Variants in PCGF1 observed in about 807,000 individuals in gnomAD.
The protein encoded by PCGF1 is polycomb group ring finger 1, also known as polycomb group RING finger protein 1.
Under a neutral mutation model 38.8 loss-of-function variants are expected in PCGF1, and 10 were observed. The ratio of observed to expected loss-of-function variants is 0.26; its 90% CI spans 0.16 to 0.44. The LOEUF (loss-of-function observed/expected upper bound fraction) is 0.44. PCGF1 is among the 20% of genes least tolerant of loss of function. The pLI, the probability that PCGF1 is intolerant of heterozygous loss-of-function variation, is 1.00. For missense variants in PCGF1, 230 were observed against 331.5 expected (o/e 0.69, Z 2.38); for synonymous variants, 119 against 121.3 (o/e 0.98, Z 0.12).
intron 4 of PCGF1, 33 bp from the exon 5 acceptor site, chr2:74,506,090 G>A (rs1378103663): frequency 6.2e-7 from 1 of 1,612,284 alleles, no homozygotes. Flanking sequence ...GTGGCTGGTG[G>A]CACACATTCC....
intron 3 of PCGF1, 173 bp downstream of exon 3, chr2:74,506,559 G>C (rs1674640352): frequency 2.7e-6 from 2 of 735,362 alleles, no homozygotes; most frequent in Non-Finnish European, 4.4e-6. Flanking sequence ...GCCTGGGCAA[G>C]ACTCCGTCTC....
intron 8 of PCGF1, 69 bp from the exon 9 acceptor site, chr2:74,505,259 C>T (rs1044978002): frequency 1.9e-6 from 3 of 1,568,438 alleles, no homozygotes; most frequent in Non-Finnish European, 2.6e-6. Flanking sequence ...GCCCCTCAGC[C>T]CACCCTTCCC....
Position 74,506,868 on chromosome 2 carries a change from A to G in PCGF1, c.216T>C (p.Ile72=), listed in dbSNP as rs1284969298. 7 of 1,614,112 alleles carry G rather than the reference A, an allele frequency of 4.3e-6. No individual in the cohort carries two copies. Among genetic ancestry groups the G allele is most frequent in the Non-Finnish European group, 5.1e-6 (6 of 1,180,042 alleles). The change falls in exon 3 of 9, where the codon ATT becomes ATC. Residue 72 remains isoleucine, a synonymous_variant. Coordinates refer to ENST00000233630, the MANE Select transcript of PCGF1 (RefSeq NM_032673.3). The part of the protein sequence containing the change: ...ECLHTFCKSC[I]VKYLQTSKYC... ...ACTTGCTAGTTTGGAGGTACTTCAC[A>G]ATACAACTCTTGCAGACTGCAGGAA...
At position 74,506,240 on chromosome 2, in the gene PCGF1, C is replaced by T; in HGVS notation, c.365G>A (p.Arg122Gln). 4 of 1,614,074 alleles carry T rather than the reference C, an allele frequency of 2.5e-6. No homozygotes were observed. Among genetic ancestry groups the T allele is most frequent in the Non-Finnish European group, 3.4e-6 (4 of 1,180,024 alleles). ...VPGLQDSEEK[R>Q]IREFYQSRGL... ...TCGGGACTGGTAGAATTCCCGAATC[C>T]GTTTCTCTTCACCTAGAAGAAGGTG... Residue 122 changes from arginine to glutamine, a missense_variant, in exon 4 of 9, where the codon CGG (arginine) becomes CAG (glutamine). By Grantham distance (43) the Arg-to-Gln change is conservative. Around this residue, in one of 3 missense-constraint regions of PCGF1, gnomAD observed 144 missense variants for 182.4 expected, o/e 0.79. Transcript: ENST00000233630.
chr2:74,507,688 C>A lies in PCGF1; in HGVS notation c.-20G>T, dbSNP rs1396209142. ...CGCCATCTTAAAGGCTGATCCCAGC[C>A]GGCCACTTCCGGTGCCGCCTGCAGG... On this transcript the variant is annotated 5_prime_UTR_variant, in exon 1 of 9. Coordinates refer to ENST00000233630, the MANE Select transcript of PCGF1 (RefSeq NM_032673.3). 1.0e-5 allele frequency: 16 copies of A among 1,550,188 alleles called. No homozygotes were observed. The Admixed American group carries it at 2.3e-4, about 23-fold the overall frequency.
At position 74,505,091 on chromosome 2, in the gene PCGF1, A is replaced by G; in HGVS notation, c.*52T>C. 6.9e-7 allele frequency: 1 copy of G among 1,444,758 alleles called. No individual in the cohort carries two copies. The allele number at this position is 1,444,758 out of a possible 1,614,324, so 89.5% of individuals were successfully genotyped here. ...AAAAAATAAAGCTGCAGTTCATTTC[A>G]CATAAATATCTGGGGAGGGAAGGGG... On this transcript the variant is annotated 3_prime_UTR_variant, in exon 9 of 9. Transcript: ENST00000233630.
chr2:74,505,825 C>T lies in PCGF1; in HGVS notation c.531-55G>A, dbSNP rs761125987. 1.7e-4 allele frequency: 279 copies of T among 1,610,838 alleles called. 2 individuals carry two copies. The highest frequency in any genetic ancestry group is 2.2e-4 in the Non-Finnish European group (260 of 1,177,688). On this transcript the variant is annotated intron_variant, in intron 5 of 8. Coordinates refer to ENST00000233630, the MANE Select transcript of PCGF1 (RefSeq NM_032673.3). Reference sequence around the variant, plus strand: ...TCCTATCTTTCCTCCTCTTCCCCACCCAGAGCCATGATATACTCTCTTCAA... The same window carrying T: ...TCCTATCTTTCCTCCTCTTCCCCACTCAGAGCCATGATATACTCTCTTCAA...
chr2:74,506,959 G>C (rs1674650344), intron 2 of PCGF1, 75 bp from the exon 3 acceptor site: 1 of 1,602,552 alleles, frequency 6.2e-7, no homozygotes, highest in African/African-American at 1.3e-5. Flanking sequence ...GCCTGGATGC[G>C]TGAGGCAGGC....
chr2:74,506,038 G>A lies in PCGF1; in HGVS notation c.444C>T (p.Leu148=), dbSNP rs185950692. ...GGTCAAAGCTGCTGAAGGGGAGGCC[G>A]AGGTTGCTCAGTGCTGGCTCTGAGA... is the stretch of plus-strand genomic sequence containing the variant. ...PTGEEPALSN[L]GLPFSSFDHS... is the part of the protein sequence containing the mutation. The change falls in exon 5 of 9, where the codon CTC becomes CTT. Residue 148 remains leucine, a synonymous_variant. Coordinates refer to ENST00000233630, the MANE Select transcript of PCGF1 (RefSeq NM_032673.3). 8 of 1,614,218 alleles carry A rather than the reference G, an allele frequency of 5.0e-6. No homozygotes were observed. The highest frequency in any genetic ancestry group is 2.2e-5 in the East Asian group (1 of 44,878).
intron 3 of PCGF1, 151 bp downstream of exon 3, chr2:74,506,581 A>G (rs746299694): frequency 3.4e-6 from 3 of 886,130 alleles, no homozygotes; most frequent in Non-Finnish European, 5.2e-6. Flanking sequence ...AAAAAAGAAA[A>G]AAAAGAATAA....
intron 5 of PCGF1, 23 bp downstream of exon 5, chr2:74,505,929 G>A: frequency 6.2e-7 from 1 of 1,612,182 alleles, no homozygotes; most frequent in Non-Finnish European, 8.5e-7. Context: ...GTCACCTCCT[G>A]CAACCCCTGA....
intron 3 of PCGF1, 138 bp from the exon 4 acceptor site, chr2:74,506,390 A>C (rs530133603): frequency 2.6e-6 from 2 of 771,324 alleles, no homozygotes; most frequent in African/African-American, 3.5e-5. Flanking sequence ...ATCCTGGCTA[A>C]CATGGTGAAA....
chr2:74,506,177 A>T lies in PCGF1; in HGVS notation c.424+4T>A. On this transcript the variant is annotated splice_donor_region_variant and intron_variant, in intron 4 of 8. Transcript: ENST00000233630. ...TCTTTACTGTCCCGCGGCCAAGGAC[A>T]TACCTTCCCCAGTGGGCTGGGTGAC... 6.2e-7 allele frequency: 1 copy of T among 1,614,178 alleles called. No individual in the cohort carries two copies. The highest frequency in any genetic ancestry group is 8.5e-7 in the Non-Finnish European group (1 of 1,180,008).
intron 5 of PCGF1, 60 bp from the exon 6 acceptor site, chr2:74,505,830 G>A: frequency 6.2e-7 from 1 of 1,609,618 alleles, no homozygotes; most frequent in Non-Finnish European, 8.5e-7. Context: ...CCCACCCAGA[G>A]CCATGATATA....
intron 3 of PCGF1, 78 bp from the exon 4 acceptor site, chr2:74,506,330 C>T: frequency 1.5e-6 from 2 of 1,369,072 alleles, no homozygotes; most frequent in Non-Finnish European, 1.0e-6. Flanking sequence ...GTAATCCCAG[C>T]ACTTTGGGAG....
At chr2:74,505,879 C>G in intron 5 of PCGF1, 73 bp downstream of exon 5, 1 of 1,604,536 alleles carries the variant, frequency 6.2e-7, no homozygotes. Context: ...ACTGCTCAGC[C>G]TCTCCCCTAG....
chr2:74,507,412 C>A, intron 1 of PCGF1, 164 bp downstream of exon 1: 2 of 1,457,770 alleles, frequency 1.4e-6, no homozygotes, highest in Admixed American at 2.5e-5. Context: ...AACGCGCAGG[C>A]GTCCTAACCG....
In PCGF1 at chr2:74,506,484, A is replaced by C. The variant is rs1674637461; in HGVS notation, c.353-232T>G. ...TCCCAGCTACTCAGGAGGCTGAGGC[A>C]GGAGAATGGCATGAATCCAGGAGGT... is the stretch of plus-strand genomic sequence containing the variant. On this transcript the variant is annotated intron_variant, in intron 3 of 8. Coordinates refer to ENST00000233630, the MANE Select transcript of PCGF1 (RefSeq NM_032673.3). 3 of 611,040 alleles carry C rather than the reference A, an allele frequency of 4.9e-6. No individual in the cohort carries two copies. In the East Asian group the frequency reaches 8.5e-5, roughly 17 times the overall value. The allele number at this position is 611,040 out of a possible 1,614,324, so 37.9% of individuals were successfully genotyped here.
At chr2:74,507,307 G>A (rs981253667) in intron 1 of PCGF1, 160 bp from the exon 2 acceptor site, 17 of 1,466,292 alleles carry the variant, frequency 1.2e-5, no homozygotes, top group Non-Finnish European at 1.4e-5. Context: ...CTCCCCCTCC[G>A]CCCAGCAGAG....
Sources: gnomAD v4.1 joint callset for allele counts on GRCh38, gnomAD v4.1.1 for gene constraint, gnomAD v4.1.1 regional missense constraint, MANE v1.5 for transcripts, NCBI Gene and HGNC (gene_info 2026-07-23, HGNC 2026-07-21) for gene names.